The following HPD variants were observed in gnomAD, a reference collection of about 807,000 sequenced individuals.
HPD encodes 4-hydroxyphenylpyruvic acid oxidase.
HPD carries 35 observed loss-of-function variants against 56.9 expected under a neutral mutation model. The observed-to-expected ratio is 0.62, with a 90% CI of 0.47 to 0.82. HPD has a LOEUF of 0.82. Ranked by LOEUF, HPD falls within the 40% of genes least tolerant of loss-of-function variation. HPD has a pLI of 0.00. For synonymous variants in HPD, 186 were observed against 200.2 expected (o/e 0.93, Z 0.60); for missense variants, 442 against 506.8 (o/e 0.87, Z 1.23).
the HPD span, among the ~76,000 whole-genome samples, chr12:121,872,696 G>A: frequency 6.6e-6 from 1 of 151,846 alleles, no homozygotes; most frequent in African/African-American, 2.4e-5. Context: ...GCCAGAACTG[G>A]CCATATGGAT....
chr12:121,849,101 G>A (rs756272593), intron 8 of HPD, 25 bp from the exon 9 acceptor site: 15 of 1,523,358 alleles, frequency 9.8e-6, no homozygotes, highest in African/African-American at 1.4e-5. Flanking sequence ...AGATGGGGGT[G>A]AGAAGGTGGC....
chr12:121,868,914 G>A, the HPD span, among the ~76,000 whole-genome samples: 1 of 152,006 alleles, frequency 6.6e-6, no homozygotes, highest in Non-Finnish European at 1.5e-5. Context: ...GCAGACTCTC[G>A]CCCTATCATC....
At chr12:121,851,711 T>TA (rs1877784410) in intron 7 of HPD, among the ~76,000 whole-genome samples, 1 of 2,940 alleles carries the variant, frequency 3.4e-4, no homozygotes, top group African/African-American at 1.4e-3. Flanking sequence ...TTTTTTTTTT[T>TA]TTTTTTTTTT....
chr12:121,872,449 T>C, the HPD span, among the ~76,000 whole-genome samples: 6 of 151,998 alleles, frequency 3.9e-5, no homozygotes, highest in African/African-American at 1.4e-4. Context: ...CAGTCTAGTC[T>C]TGAACTACTG....
At chr12:121,870,248 CACTGT>C in the HPD span, among the ~76,000 whole-genome samples, 1 of 152,130 alleles carries the variant, frequency 6.6e-6, no homozygotes. Flanking sequence ...ATGTGCCAGG[CACTGT>C]ACTAAGCACA....
intron 6 of HPD, 170 bp downstream of exon 6, chr12:121,856,154 G>T: frequency 2.9e-6 from 2 of 694,668 alleles, no homozygotes. Flanking sequence ...GCTTGTCACT[G>T]TGATGCAGCA....
intron 7 of HPD, among the ~76,000 whole-genome samples, chr12:121,852,703 T>TGGCTCACTGCAACCTC (rs889829636): frequency 3.4e-5 from 5 of 146,340 alleles, no homozygotes; most frequent in African/African-American, 5.1e-5. Context: ...GGTGCAATCT[T>TGGCTCACTGCAACCTC]GGCTCACTGC....
chr12:121,842,047 T>C (rs1592914903), intron 12 of HPD, among the ~76,000 whole-genome samples: 1 of 142,388 alleles, frequency 7.0e-6, no homozygotes, highest in Non-Finnish European at 1.5e-5. Flanking sequence ...GGTAGATTAA[T>C]GGTGCCTAGG....
the HPD span, among the ~76,000 whole-genome samples, chr12:121,880,141 T>G: frequency 1.4e-5 from 2 of 147,390 alleles, no homozygotes. Flanking sequence ...AGCGAGACCC[T>G]GTATCAAAAT....
intron 11 of HPD, 44 bp downstream of exon 11, chr12:121,846,818 G>T: frequency 1.3e-6 from 2 of 1,581,786 alleles, no homozygotes; most frequent in Non-Finnish European, 1.7e-6. Flanking sequence ...ATCGTCCCTG[G>T]CTCTGAATGA....
upstream of HPD, among the ~76,000 whole-genome samples, chr12:121,864,073 C>CA (rs748278452): frequency 0.29 from 20,829 of 71,386 alleles, 2,557 homozygotes; most frequent in Middle Eastern, 0.46. Context: ...ACTAAAAATA[C>CA]AAAAAAAAAA....
rs181281919 is a variant in HPD at position 121,848,670 on chromosome 12, C to T, written c.596+329G>A. 7.3e-4 allele frequency among the ~76,000 whole-genome samples: 111 copies of T among 152,072 alleles called. 2 individuals carry two copies. The East Asian group carries it at 0.02, about 28-fold the overall frequency. On this transcript the variant is annotated intron_variant, in intron 9 of 13. Transcript: ENST00000289004. The stretch of plus-strand genomic sequence containing the variant: ...CTTGCTCTGTTTCCCAGGCTGGAGT[C>T]TCACTCTGTCGCCCAACCTCCACCT...
intron 11 of HPD, among the ~76,000 whole-genome samples, 165 bp from the exon 12 acceptor site, chr12:121,843,997 T>G (rs980620820): frequency 2.0e-5 from 3 of 152,144 alleles, no homozygotes. Flanking sequence ...TGGGCCCCGT[T>G]AGAACAACAA....
At chr12:121,840,279 T>C (rs1877364544) in intron 12 of HPD, among the ~76,000 whole-genome samples, 1 of 151,988 alleles carries the variant, frequency 6.6e-6, no homozygotes, top group Non-Finnish European at 1.5e-5. Context: ...CAATCCATCC[T>C]CCCCGCAGAC....
chr12:121,887,383 AATGTTAGTTT>A, the HPD span, among the ~76,000 whole-genome samples: 1 of 151,496 alleles, frequency 6.6e-6, no homozygotes, highest in African/African-American at 2.4e-5. Context: ...TAATGTTAGA[AATGTTAGTTT>A]ATTTTTGAGG....
intron 3 of HPD, 110 bp downstream of exon 3, chr12:121,857,647 C>A: frequency 9.9e-7 from 1 of 1,010,286 alleles, no homozygotes; most frequent in Non-Finnish European, 1.6e-6. Context: ...CACCCCTGGC[C>A]TGATCCTCCC....
At chr12:121,847,601 A>G (rs1044174093) in intron 9 of HPD, among the ~76,000 whole-genome samples, 2 of 152,120 alleles carry the variant, frequency 1.3e-5, no homozygotes, top group Non-Finnish European at 2.9e-5. Context: ...GCAGTGACGC[A>G]ATCTCGGCTC....
At chr12:121,880,816 C>T in the HPD span, among the ~76,000 whole-genome samples, 16 of 151,828 alleles carry the variant, frequency 1.1e-4, no homozygotes, top group Non-Finnish European at 1.9e-4. Flanking sequence ...TTATTATTTT[C>T]AAGGGTCTCA....
chr12:121,881,251 C>A, the HPD span, among the ~76,000 whole-genome samples: 1 of 152,194 alleles, frequency 6.6e-6, no homozygotes. Context: ...TGGGTCTCTG[C>A]ATCTTACTTT....
Sources: gnomAD v4.1 joint callset for allele counts (sites outside exome capture counted in the v4.1 genomes callset) on GRCh38, gnomAD v4.1.1 for gene constraint, MANE v1.5 for transcripts, NCBI Gene and HGNC (gene_info 2026-07-23, HGNC 2026-07-21) for gene names.